Variants in DAW1 observed in about 807,000 individuals in gnomAD.
The protein encoded by DAW1 is dynein assembly factor with WD repeat domains 1.
DAW1 carries 47 observed loss-of-function variants against 56.5 expected under a neutral mutation model. That is an observed-to-expected ratio of 0.83 (90% CI 0.66 to 1.06). The LOEUF is 1.06. Ranked by LOEUF, DAW1 falls within the 50% of genes least tolerant of loss-of-function variation. The pLI, the probability that DAW1 is intolerant of heterozygous loss-of-function variation, is 0.00. For missense variants in DAW1, 505 were observed against 499.3 expected (o/e 1.01, Z -0.11); for synonymous variants, 190 against 179.0 (o/e 1.06, Z -0.49).
At chr2:227,911,275 CACGTGT>C (rs557429630) in intron 10 of DAW1, among the ~76,000 whole-genome samples, 9 of 124,950 alleles carry the variant, frequency 7.2e-5, no homozygotes, top group South Asian at 5.0e-4. Flanking sequence ...TACACATATA[CACGTGT>C]ATATATACAT....
At chr2:227,899,765 A>G (rs530531577) in intron 6 of DAW1, among the ~76,000 whole-genome samples, 1 of 152,208 alleles carries the variant, frequency 6.6e-6, no homozygotes, top group African/African-American at 2.4e-5. Flanking sequence ...CCGATCTGCC[A>G]GCAGTGTTCA....
intron 5 of DAW1, among the ~76,000 whole-genome samples, chr2:227,894,392 G>T (rs943661044): frequency 6.6e-6 from 1 of 152,084 alleles, no homozygotes; most frequent in Admixed American, 6.5e-5. Flanking sequence ...CTCCAGTCTG[G>T]GCAACAGAGT....
chr2:227,902,066 G>A (rs1691559200), intron 6 of DAW1, among the ~76,000 whole-genome samples: 1 of 152,156 alleles, frequency 6.6e-6, no homozygotes, highest in Non-Finnish European at 1.5e-5. Context: ...GGTGAGGATG[G>A]AAGTAGAGGC....
chr2:227,882,378 C>A (rs1172634203), intron 1 of DAW1, among the ~76,000 whole-genome samples: 1 of 152,140 alleles, frequency 6.6e-6, no homozygotes, highest in Non-Finnish European at 1.5e-5. Flanking sequence ...GGCAGTGACA[C>A]CAAACTCTAA....
intron 7 of DAW1, 95 bp downstream of exon 7, chr2:227,903,204 C>T: frequency 1.5e-6 from 2 of 1,310,424 alleles, no homozygotes; most frequent in Non-Finnish European, 2.1e-6. Flanking sequence ...TGTTGAGTTG[C>T]TGGTTTTCAA....
At chr2:227,884,058 G>A (rs1691068766) in intron 1 of DAW1, among the ~76,000 whole-genome samples, 2 of 152,106 alleles carry the variant, frequency 1.3e-5, no homozygotes, top group Non-Finnish European at 2.9e-5. Flanking sequence ...GTTTTTATTA[G>A]CGCTGGGCTG....
chr2:227,888,997 A>G (rs985687626), intron 2 of DAW1, among the ~76,000 whole-genome samples: 6 of 152,178 alleles, frequency 3.9e-5, no homozygotes, highest in African/African-American at 1.4e-4. Context: ...AAAATATTTT[A>G]AATCTAATCT....
chr2:227,912,276 A>G, intron 10 of DAW1: 1 of 763,584 alleles, frequency 1.3e-6, no homozygotes, highest in South Asian at 1.4e-5. Flanking sequence ...TCTGTCGCCC[A>G]GGCTGGAGTG....
chr2:227,874,465 C>T (rs1690829635), intron 1 of DAW1, among the ~76,000 whole-genome samples: 1 of 152,206 alleles, frequency 6.6e-6, no homozygotes, highest in Non-Finnish European at 1.5e-5. Flanking sequence ...CAATGACATT[C>T]ACATTGCTAA....
At chr2:227,900,144 G>A (rs1207715306) in intron 6 of DAW1, among the ~76,000 whole-genome samples, 1 of 152,190 alleles carries the variant, frequency 6.6e-6, no homozygotes, top group Non-Finnish European at 1.5e-5. Flanking sequence ...TAGCTTAGTT[G>A]TGCCTCATAG....
At position 227,874,682 on chromosome 2, in the gene DAW1, C is replaced by G. The variant is rs538596586; in HGVS notation, c.40+2953C>G. On this transcript the variant is annotated intron_variant, in intron 1 of 12. Coordinates refer to ENST00000309931, the MANE Select transcript of DAW1 (RefSeq NM_178821.3). ...AGCCCCAACCTTGGATTTCTCCTTT[C>G]TATCTACACTCATACACTATGCAAT... Among the ~76,000 whole-genome samples the G allele has an allele frequency of 1.3e-4, 19 of 151,904 alleles. No homozygotes were observed. In the South Asian group the frequency reaches 3.8e-3, roughly 30 times the overall value.
intron 6 of DAW1, among the ~76,000 whole-genome samples, chr2:227,898,688 TAA>T (rs1033869260): frequency 6.6e-6 from 1 of 152,166 alleles, no homozygotes; most frequent in Non-Finnish European, 1.5e-5. Context: ...GCTACTTTTA[TAA>T]TTAATTTTCA....
chr2:227,915,635 C>A lies in DAW1; in HGVS notation c.974-3145C>A, dbSNP rs184008177. Reference sequence around the variant, plus strand: ...AATGATGTGTGATGCTGTAACATACCCTGTCTGTAGTAAATCCTATGGTAC... The same window carrying A: ...AATGATGTGTGATGCTGTAACATACACTGTCTGTAGTAAATCCTATGGTAC... On this transcript the variant is annotated intron_variant, in intron 10 of 12. Coordinates refer to ENST00000309931, the MANE Select transcript of DAW1 (RefSeq NM_178821.3). Among the ~76,000 whole-genome samples the A allele has an allele frequency of 1.1e-4, 17 of 152,172 alleles. No individual in the cohort carries two copies. The East Asian group carries it at 3.3e-3, about 29-fold the overall frequency.
intron 9 of DAW1, 72 bp from the exon 10 acceptor site, chr2:227,907,066 A>G (rs533822168): frequency 9.7e-7 from 1 of 1,028,612 alleles, no homozygotes; most frequent in Non-Finnish European, 1.4e-6. Context: ...CATGAAGACC[A>G]CTGGCCATCT....
Position 227,906,045 on chromosome 2 carries a change from G to A in DAW1, c.756-191G>A, listed in dbSNP as rs146989695. Among the ~76,000 whole-genome samples, 290 of 152,268 alleles carry A rather than the reference G, an allele frequency of 1.9e-3. 1 individual carries two copies. Among genetic ancestry groups the A allele is most frequent in the Non-Finnish European group, 2.9e-3 (199 of 68,024 alleles). ...GCTGGGGTTACAAGCGTGAGCCACC[G>A]TGCCCGGCTGAAATGAAATTATTGG... On this transcript the variant is annotated intron_variant, in intron 8 of 12. Transcript: ENST00000309931.
chr2:227,874,457 A>G (rs76179307), intron 1 of DAW1, among the ~76,000 whole-genome samples: 2,370 of 152,242 alleles, frequency 0.016, 53 homozygotes, highest in African/African-American at 0.054. Flanking sequence ...AAGATCTCCA[A>G]TGACATTCAC....
intron 1 of DAW1, among the ~76,000 whole-genome samples, chr2:227,884,660 G>C (rs1017359529): frequency 4.6e-5 from 7 of 152,156 alleles, no homozygotes; most frequent in African/African-American, 4.8e-5. Flanking sequence ...GGCCTTCCTG[G>C]TCACTTCCCG....
At position 227,918,860 on chromosome 2, in the gene DAW1, A is replaced by T. The variant is rs1252472778; in HGVS notation, c.1050+4A>T. 1 of 1,614,024 alleles carries T rather than the reference A, an allele frequency of 6.2e-7. No individual in the cohort carries two copies. The highest frequency in any genetic ancestry group is 8.5e-7 in the Non-Finnish European group (1 of 1,179,962). On this transcript the variant is annotated splice_donor_region_variant and intron_variant, in intron 11 of 12. Coordinates refer to ENST00000309931, the MANE Select transcript of DAW1 (RefSeq NM_178821.3). The stretch of plus-strand genomic sequence containing the variant: ...TCATGAAGGTGAAATTTCAAAGGTG[A>T]GTCGCTTTCTCATTTGGAGGAGTTT...
rs1260327997 is a variant in DAW1, at chr2:227,885,404, T to G, written c.94T>G (p.Leu32Val). Residue 32 changes from leucine to valine, a missense_variant, in exon 2 of 13, where the codon TTG (leucine) becomes GTG (valine). By Grantham distance (32) the Leu-to-Val change is conservative (BLOSUM62 1). Transcript: ENST00000309931. ...HGELKTKSIDLLDLGPSTDVS... is the reference protein window; with the variant it reads ...HGELKTKSIDVLDLGPSTDVS... ...AGAATTAAAGACTAAGTCCATAGAT[T>G]TGCTTGATCTTGGTCCCAGGTAAGT... is the stretch of plus-strand genomic sequence containing the variant. The G allele has an allele frequency of 6.2e-7, 1 of 1,603,132 alleles. No homozygotes were observed. Among genetic ancestry groups the G allele is most frequent in the East Asian group, 2.2e-5 (1 of 44,528 alleles).
Sources: gnomAD v4.1 joint callset for allele counts (sites outside exome capture counted in the v4.1 genomes callset) on GRCh38, gnomAD v4.1.1 for gene constraint, MANE v1.5 for transcripts, NCBI Gene and HGNC (gene_info 2026-07-23, HGNC 2026-07-21) for gene names.